GALNT13: variants seen among roughly 807,000 people sequenced by gnomAD.
GALNT13 encodes the protein polypeptide N-acetylgalactosaminyltransferase 13.
GALNT13 carries 28 observed loss-of-function variants against 64.2 expected under a neutral mutation model. The ratio of observed to expected loss-of-function variants is 0.44; its 90% CI spans 0.32 to 0.60. The LOEUF is 0.60. Among genes scored for constraint, GALNT13 ranks in the 20% least tolerant of loss-of-function variants. GALNT13 has a pLI of 0.05. For synonymous variants in GALNT13, 214 were observed against 224.6 expected (o/e 0.95, Z 0.42); for missense variants, 577 against 669.8 (o/e 0.86, Z 1.53).
the GALNT13 span, among the ~76,000 whole-genome samples, chr2:153,818,530 C>T: frequency 6.6e-6 from 1 of 152,202 alleles, no homozygotes; most frequent in South Asian, 2.1e-4. Flanking sequence ...TGCACCTTGC[C>T]AGGCAGGGCT....
chr2:153,325,894 G>T, the GALNT13 span, among the ~76,000 whole-genome samples: 4 of 152,140 alleles, frequency 2.6e-5, no homozygotes, highest in Admixed American at 6.5e-5. Context: ...TATTGCATTT[G>T]CTGAGGAGTG....
At chr2:153,512,704 A>G in the GALNT13 span, among the ~76,000 whole-genome samples, 1 of 152,252 alleles carries the variant, frequency 6.6e-6, no homozygotes, top group South Asian at 2.1e-4. Context: ...TATGCAGTTA[A>G]TAAATGTTAG....
At chr2:153,494,007 G>A in the GALNT13 span, among the ~76,000 whole-genome samples, 1 of 151,738 alleles carries the variant, frequency 6.6e-6, no homozygotes, top group South Asian at 2.1e-4. Flanking sequence ...AGGATAGGGG[G>A]CTCATATAAA....
At chr2:153,146,669 A>G in the GALNT13 span, among the ~76,000 whole-genome samples, 3 of 151,858 alleles carry the variant, frequency 2.0e-5, no homozygotes, top group Non-Finnish European at 4.4e-5. Context: ...AGAGGCTTGT[A>G]TCAGGGTTTC....
At chr2:153,197,072 A>AGGT in the GALNT13 span, among the ~76,000 whole-genome samples, 8 of 152,248 alleles carry the variant, frequency 5.3e-5, 1 homozygote, top group Middle Eastern at 6.8e-3. Flanking sequence ...AGGTGAGTGT[A>AGGT]GGTGGTGGTG....
chr2:153,485,643 C>T, the GALNT13 span, among the ~76,000 whole-genome samples: 1 of 152,160 alleles, frequency 6.6e-6, no homozygotes, highest in African/African-American at 2.4e-5. Context: ...TGACTGACTC[C>T]TCTAATCCTA....
intron 3 of GALNT13, among the ~76,000 whole-genome samples, chr2:154,130,829 C>T (rs950751751): frequency 3.3e-5 from 5 of 152,170 alleles, no homozygotes; most frequent in South Asian, 4.1e-4. Context: ...TTTCTATCTG[C>T]GGAATAACTC....
At chr2:153,413,251 G>C in the GALNT13 span, among the ~76,000 whole-genome samples, 29 of 152,116 alleles carry the variant, frequency 1.9e-4, no homozygotes, top group Non-Finnish European at 4.0e-4. Context: ...CTCCCCAAGG[G>C]CACAGGATTG....
the GALNT13 span, among the ~76,000 whole-genome samples, chr2:153,529,719 A>T: frequency 6.6e-6 from 1 of 152,098 alleles, no homozygotes; most frequent in Non-Finnish European, 1.5e-5. Context: ...ATCAAGTGGG[A>T]TTTGTCACTG....
chr2:153,841,944 G>A, the GALNT13 span, among the ~76,000 whole-genome samples: 9 of 152,232 alleles, frequency 5.9e-5, no homozygotes, highest in East Asian at 1.5e-3. Context: ...CAGCTTGTTG[G>A]TCAAAAGGAA....
At chr2:154,273,100 G>A (rs995662336) in intron 8 of GALNT13, among the ~76,000 whole-genome samples, 1 of 152,114 alleles carries the variant, frequency 6.6e-6, no homozygotes, top group Admixed American at 6.6e-5. Flanking sequence ...GACCATAGAC[G>A]ATAAATGAGT....
the GALNT13 span, among the ~76,000 whole-genome samples, chr2:153,718,699 G>A: frequency 1.3e-5 from 2 of 152,088 alleles, no homozygotes; most frequent in African/African-American, 2.4e-5. Context: ...ACCCTCACCA[G>A]CTGTGAGAAG....
the GALNT13 span, among the ~76,000 whole-genome samples, chr2:153,143,414 C>T: frequency 1.9e-3 from 292 of 152,084 alleles, 2 homozygotes; most frequent in African/African-American, 6.6e-3. Flanking sequence ...ATACTAGGGT[C>T]CATGATTGTA....
chr2:153,700,982 GAAAA>G, the GALNT13 span, among the ~76,000 whole-genome samples: 2 of 150,622 alleles, frequency 1.3e-5, no homozygotes, highest in African/African-American at 4.9e-5. Flanking sequence ...AACAGAATTA[GAAAA>G]AAAAACTTCT....
the GALNT13 span, among the ~76,000 whole-genome samples, chr2:153,409,701 A>T: frequency 3.3e-3 from 507 of 152,288 alleles, 12 homozygotes; most frequent in East Asian, 0.037. Flanking sequence ...GGCTAAACTA[A>T]GAAATAAAAA....
the GALNT13 span, among the ~76,000 whole-genome samples, chr2:153,577,463 A>G: frequency 6.6e-6 from 1 of 152,136 alleles, no homozygotes; most frequent in Non-Finnish European, 1.5e-5. Flanking sequence ...CTCACAGAAG[A>G]GCTGTTTCCT....
At chr2:154,029,097 G>A (rs1419086348) in intron 3 of GALNT13, among the ~76,000 whole-genome samples, 1 of 151,142 alleles carries the variant, frequency 6.6e-6, no homozygotes, top group African/African-American at 2.4e-5. Flanking sequence ...AGATATGAGG[G>A]GAATTTGCAC....
chr2:153,586,775 T>C, the GALNT13 span, among the ~76,000 whole-genome samples: 1 of 151,942 alleles, frequency 6.6e-6, no homozygotes, highest in Admixed American at 6.6e-5. Context: ...ACTGACCATA[T>C]GTCTGGCCAT....
the GALNT13 span, among the ~76,000 whole-genome samples, chr2:153,604,173 A>G: frequency 6.6e-6 from 1 of 152,040 alleles, no homozygotes; most frequent in Non-Finnish European, 1.5e-5. Context: ...CCTCCTGCCA[A>G]GTAATATTCT....
Sources: gnomAD v4.1 joint callset for allele counts (sites outside exome capture counted in the v4.1 genomes callset) on GRCh38, gnomAD v4.1.1 for gene constraint, MANE v1.5 for transcripts, NCBI Gene and HGNC (gene_info 2026-07-23, HGNC 2026-07-21) for gene names.